LUZP2: variants seen among roughly 807,000 people sequenced by gnomAD.
The protein encoded by LUZP2 is leucine zipper protein 2.
A neutral mutation model predicts 51.6 loss-of-function variants in LUZP2; 52 were observed. The ratio of observed to expected loss-of-function variants is 1.01; its 90% confidence interval spans 0.81 to 1.27. The LOEUF (loss-of-function observed/expected upper bound fraction) is 1.27. Among genes scored for constraint, LUZP2 ranks in the 50% most tolerant of loss-of-function variants. The pLI is 0.00. For synonymous variants in LUZP2, 154 were observed against 137.3 expected, an observed-to-expected ratio of 1.12 and a Z score of -0.85; for missense variants, 436 against 395.4, an observed-to-expected ratio of 1.10 and a Z score of -0.87.
intron 1 of LUZP2, among the ~76,000 whole-genome samples, chr11:24,569,102 T>C (rs867973080): frequency 1.3e-5 from 2 of 152,050 alleles, no homozygotes; most frequent in East Asian, 1.9e-4. Flanking sequence ...AACAGTTAAA[T>C]GTCATATTAA....
At chr11:24,759,763 C>T (rs1590466836) in intron 4 of LUZP2, among the ~76,000 whole-genome samples, 4 of 152,074 alleles carry the variant, frequency 2.6e-5, no homozygotes, top group Admixed American at 2.6e-4. Context: ...TTGGGGGATG[C>T]ACTGTTACTC....
At chr11:24,630,097 C>T (rs1473603080) in intron 1 of LUZP2, among the ~76,000 whole-genome samples, 8 of 151,288 alleles carry the variant, frequency 5.3e-5, no homozygotes, top group Non-Finnish European at 1.2e-4. Flanking sequence ...ATATTAGTTC[C>T]TTGTTGGGTA....
At chr11:24,974,000 G>T (rs551018003) in intron 7 of LUZP2, among the ~76,000 whole-genome samples, 1 of 151,980 alleles carries the variant, frequency 6.6e-6, no homozygotes, top group African/African-American at 2.4e-5. Flanking sequence ...TTAATTTTCT[G>T]TCTTGGTGAT....
chr11:24,794,257 C>T (rs1185107297), intron 5 of LUZP2, among the ~76,000 whole-genome samples: 1 of 152,146 alleles, frequency 6.6e-6, no homozygotes, highest in East Asian at 1.9e-4. Flanking sequence ...TAATACTCCA[C>T]ATATTCTACT....
intron 5 of LUZP2, among the ~76,000 whole-genome samples, chr11:24,808,430 C>T (rs1849917463): frequency 6.6e-6 from 1 of 152,080 alleles, no homozygotes; most frequent in South Asian, 2.1e-4. Flanking sequence ...TTATCTGATA[C>T]AATGAGGCTG....
At chr11:24,735,283 G>C (rs1858891400) in intron 3 of LUZP2, among the ~76,000 whole-genome samples, 1 of 151,828 alleles carries the variant, frequency 6.6e-6, no homozygotes, top group African/African-American at 2.4e-5. Context: ...ACACAGCCTT[G>C]ATAATATTCA....
intron 5 of LUZP2, chr11:24,892,934 C>T (rs978780859): frequency 8.5e-5 from 13 of 152,112 alleles, no homozygotes; most frequent in Admixed American, 7.9e-4. Context: ...TGTAAACTTT[C>T]CACTGGTTTT....
At chr11:24,840,375 A>G (rs1850991742) in intron 5 of LUZP2, among the ~76,000 whole-genome samples, 1 of 151,896 alleles carries the variant, frequency 6.6e-6, no homozygotes, top group Admixed American at 6.6e-5. Flanking sequence ...GTTTTTTGAC[A>G]TCATATAATC....
intron 1 of LUZP2, among the ~76,000 whole-genome samples, chr11:24,724,352 T>A (rs1000707711): frequency 1.3e-5 from 2 of 152,038 alleles, no homozygotes; most frequent in African/African-American, 4.8e-5. Flanking sequence ...GGCAGATCGA[T>A]TGAGCTCAGG....
At chr11:24,759,970 C>T (rs1859922723) in intron 4 of LUZP2, among the ~76,000 whole-genome samples, 1 of 152,056 alleles carries the variant, frequency 6.6e-6, no homozygotes, top group Non-Finnish European at 1.5e-5. Context: ...TTTAGGGAGA[C>T]AGAAGACATC....
At chr11:24,510,114 G>A (rs140560455) in intron 1 of LUZP2, among the ~76,000 whole-genome samples, 1,729 of 152,218 alleles carry the variant, frequency 0.011, 20 homozygotes, top group Non-Finnish European at 0.013. Flanking sequence ...TAAACCCAGC[G>A]CTCTGAATTC....
chr11:24,608,638 G>T (rs993134399), intron 1 of LUZP2, among the ~76,000 whole-genome samples: 20 of 152,080 alleles, frequency 1.3e-4, no homozygotes, highest in African/African-American at 4.8e-4. Context: ...TAGTCAAGGG[G>T]AAATAACCTG....
intron 7 of LUZP2, among the ~76,000 whole-genome samples, chr11:24,935,954 A>G (rs1298605798): frequency 1.3e-5 from 2 of 152,200 alleles, no homozygotes; most frequent in African/African-American, 4.8e-5. Flanking sequence ...TCTTTGGGCA[A>G]CATGTTTAGA....
chr11:24,519,372 C>T (rs1053065592), intron 1 of LUZP2, among the ~76,000 whole-genome samples: 1 of 152,032 alleles, frequency 6.6e-6, no homozygotes, highest in Non-Finnish European at 1.5e-5. Flanking sequence ...TCTAGGAAAT[C>T]GGATGTAGTT....
intron 5 of LUZP2, among the ~76,000 whole-genome samples, chr11:24,770,132 C>T (rs1860354106): frequency 6.6e-6 from 1 of 152,126 alleles, no homozygotes. Flanking sequence ...CTTTCACTTT[C>T]AAAACACCCT....
chr11:24,835,885 A>G (rs1033796188), intron 5 of LUZP2, among the ~76,000 whole-genome samples: 7 of 151,912 alleles, frequency 4.6e-5, no homozygotes, highest in African/African-American at 1.7e-4. Context: ...AAATCTTACC[A>G]TTTTCTGTTT....
At chr11:24,783,363 A>G (rs576464848) in intron 5 of LUZP2, among the ~76,000 whole-genome samples, 2 of 151,906 alleles carry the variant, frequency 1.3e-5, no homozygotes, top group South Asian at 4.1e-4. Flanking sequence ...TTTTTTCCTA[A>G]CCAAGACAAC....
chr11:24,817,594 A>C (rs1418926803), intron 5 of LUZP2, among the ~76,000 whole-genome samples: 1 of 152,030 alleles, frequency 6.6e-6, no homozygotes, highest in Middle Eastern at 3.2e-3. Context: ...GATGAATACA[A>C]GTTCTTGAAA....
intron 5 of LUZP2, among the ~76,000 whole-genome samples, chr11:24,809,094 G>A (rs1906094): frequency 0.036 from 5,431 of 152,000 alleles, 280 homozygotes; most frequent in African/African-American, 0.12. Context: ...GACATGGCTC[G>A]CCTGGCAATG....
Sources: allele counts gnomAD v4.1 joint callset (sites outside exome capture counted in the v4.1 genomes callset), GRCh38; gene constraint gnomAD v4.1.1; transcripts MANE v1.5; gene names NCBI Gene and HGNC (gene_info 2026-07-23, HGNC 2026-07-21).